The following CSMD1 variants were observed in gnomAD, a reference collection of about 807,000 sequenced individuals.
CSMD1 encodes the protein CUB and Sushi multiple domains 1, also known as CUB and sushi domain-containing protein 1.
CSMD1 carries 213 observed loss-of-function variants against 417.5 expected under a neutral mutation model. The ratio of observed to expected loss-of-function variants is 0.51; its 90% CI spans 0.46 to 0.57. CSMD1 has a LOEUF of 0.57. Ranked by LOEUF, CSMD1 falls within the 20% of genes least tolerant of loss-of-function variation. CSMD1 has a pLI of 0.00. For synonymous variants in CSMD1, 2,862 were observed against 1,736.8 expected, an observed-to-expected ratio of 1.65 and a Z score of -16.11; for missense variants, 6,923 against 4,529.7, an observed-to-expected ratio of 1.53 and a Z score of -15.17.
At position 4,695,526 on chromosome 8, in the gene CSMD1, T is replaced by C. The variant is rs142540136; in HGVS notation, c.86-57968A>G. Among the ~76,000 whole-genome samples the C allele has an allele frequency of 2.8e-3, 422 of 152,336 alleles. 3 individuals carry two copies. The highest frequency in any genetic ancestry group is 9.8e-3 in the African/African-American group (409 of 41,582). ...AAATAAGTTAAACGATTTCATTTTT[T>C]ACAGCAGTTTTAAGTTCACAGAAAA... On this transcript the variant is annotated intron_variant, in intron 1 of 69. Coordinates refer to ENST00000635120, the MANE Select transcript of CSMD1 (RefSeq NM_033225.6).
intron 10 of CSMD1, among the ~76,000 whole-genome samples, chr8:3,500,059 G>A (rs1796533126): frequency 6.6e-6 from 1 of 152,068 alleles, no homozygotes; most frequent in Non-Finnish European, 1.5e-5. Flanking sequence ...ACCTGCTGGG[G>A]ATCTCCCACT....
At chr8:4,503,520 G>C (rs1585174674) in intron 2 of CSMD1, among the ~76,000 whole-genome samples, 1 of 152,084 alleles carries the variant, frequency 6.6e-6, no homozygotes, top group South Asian at 2.1e-4. Flanking sequence ...ACTCACACCT[G>C]AGACACCGTT....
At position 3,018,428 on chromosome 8, in the gene CSMD1, T is replaced by C. The variant is rs143729213; in HGVS notation, c.8029+49A>G. On this transcript the variant is annotated intron_variant, in intron 52 of 69. Transcript: ENST00000635120. Reference sequence around the variant, plus strand: ...ATGTGTTACACAGCTGTAATCTATTTCTAAGGTTTATCTGCATTAAGTAAG... The same window carrying C: ...ATGTGTTACACAGCTGTAATCTATTCCTAAGGTTTATCTGCATTAAGTAAG... The C allele has an allele frequency of 1.2e-5, 19 of 1,560,386 alleles. No individual in the cohort carries two copies. The African/African-American group carries it at 1.2e-4, about 10-fold the overall frequency.
At chr8:3,125,751 C>T (rs1274825858) in intron 41 of CSMD1, among the ~76,000 whole-genome samples, 3 of 152,250 alleles carry the variant, frequency 2.0e-5, no homozygotes, top group East Asian at 3.9e-4. Context: ...CCGAGGTGGG[C>T]AGATTACCTG....
intron 23 of CSMD1, among the ~76,000 whole-genome samples, chr8:3,320,715 TG>T (rs1287628004): frequency 6.6e-6 from 1 of 152,094 alleles, no homozygotes; most frequent in Non-Finnish European, 1.5e-5. Context: ...TTCTGCTGAG[TG>T]GGTGACTGCC....
chr8:3,661,185 G>T (rs1798399590), intron 7 of CSMD1, among the ~76,000 whole-genome samples: 1 of 152,166 alleles, frequency 6.6e-6, no homozygotes, highest in South Asian at 2.1e-4. Flanking sequence ...GCAACTAACT[G>T]AACAGGCAGA....
chr8:4,910,913 T>C (rs7008247), intron 1 of CSMD1, among the ~76,000 whole-genome samples: 61,189 of 151,990 alleles, frequency 0.4, 12,694 homozygotes, highest in Non-Finnish European at 0.46. Context: ...TGGGAGGTAA[T>C]TGAATCATGG....
intron 26 of CSMD1, among the ~76,000 whole-genome samples, chr8:3,276,817 A>T (rs974215551): frequency 1.3e-5 from 2 of 152,148 alleles, no homozygotes; most frequent in African/African-American, 4.8e-5. Flanking sequence ...GAAAATTTTC[A>T]CGCATATCTA....
intron 3 of CSMD1, among the ~76,000 whole-genome samples, chr8:4,145,992 G>A (rs770293028): frequency 6.6e-6 from 1 of 150,800 alleles, no homozygotes; most frequent in Non-Finnish European, 1.5e-5. Flanking sequence ...TGCAAATTTT[G>A]TACCCTGCAC....
At chr8:4,386,512 T>A (rs934685117) in intron 3 of CSMD1, among the ~76,000 whole-genome samples, 4 of 152,224 alleles carry the variant, frequency 2.6e-5, no homozygotes, top group Non-Finnish European at 5.9e-5. Flanking sequence ...CTCAATCCCA[T>A]TGCTTGTCTA....
chr8:4,541,304 AC>A lies in CSMD1; in HGVS notation c.302+96037del, dbSNP rs368331591. Among the ~76,000 whole-genome samples, 646 of 151,956 alleles carry A rather than the reference AC, an allele frequency of 4.3e-3. 6 individuals carry two copies. Among genetic ancestry groups the A allele is most frequent in the African/African-American group, 0.015 (619 of 41,430 alleles). On this transcript the variant is annotated intron_variant, in intron 2 of 69. Coordinates refer to ENST00000635120, the MANE Select transcript of CSMD1 (RefSeq NM_033225.6). ...CTACTGGCACGTGCTGATCATAACT[AC>A]CCCCATGCAGTTCTTACAGCAATTA...
At chr8:4,895,719 A>T (rs2117020309) in intron 1 of CSMD1, among the ~76,000 whole-genome samples, 1 of 152,062 alleles carries the variant, frequency 6.6e-6, no homozygotes, top group East Asian at 1.9e-4. Flanking sequence ...TCAGTCTTCA[A>T]ACCTACAAAG....
intron 5 of CSMD1, among the ~76,000 whole-genome samples, chr8:3,997,645 G>C (rs1863476): frequency 0.46 from 70,671 of 152,002 alleles, 16,877 homozygotes; most frequent in South Asian, 0.57. Context: ...CTTTAAAACA[G>C]TCCAAAAATG....
chr8:3,786,746 G>C (rs770239529), intron 5 of CSMD1, among the ~76,000 whole-genome samples: 5 of 152,140 alleles, frequency 3.3e-5, no homozygotes, highest in Non-Finnish European at 7.4e-5. Context: ...GCTCTGATGA[G>C]AACTTTCTTT....
intron 2 of CSMD1, among the ~76,000 whole-genome samples, chr8:4,555,830 CAG>C (rs139813676): frequency 1.3e-3 from 193 of 152,012 alleles, no homozygotes; most frequent in African/African-American, 4.4e-3. Context: ...TACTTTAAGC[CAG>C]AGTTATAAAA....
At chr8:2,965,007 T>G (rs970275476) in intron 59 of CSMD1, among the ~76,000 whole-genome samples, 1 of 152,200 alleles carries the variant, frequency 6.6e-6, no homozygotes, top group Non-Finnish European at 1.5e-5. Context: ...TTATGTTTGG[T>G]CACTGACAGC....
At chr8:3,941,614 T>C (rs1810888696) in intron 5 of CSMD1, among the ~76,000 whole-genome samples, 1 of 152,164 alleles carries the variant, frequency 6.6e-6, no homozygotes, top group South Asian at 2.1e-4. Context: ...TGGTAATTCA[T>C]GAAGATAAGA....
At chr8:3,741,731 G>C (rs1307897670) in intron 6 of CSMD1, among the ~76,000 whole-genome samples, 1 of 152,140 alleles carries the variant, frequency 6.6e-6, no homozygotes, top group African/African-American at 2.4e-5. Context: ...TTCTTACTGA[G>C]AAAGAAGAAA....
intron 5 of CSMD1, among the ~76,000 whole-genome samples, chr8:3,816,833 CTA>C (rs1801394174): frequency 3.9e-5 from 6 of 151,966 alleles, no homozygotes; most frequent in Non-Finnish European, 8.8e-5. Context: ...TTTCAGGTGT[CTA>C]CTAGGGGTTT....
Sources: allele counts gnomAD v4.1 joint callset (sites outside exome capture counted in the v4.1 genomes callset), GRCh38; gene constraint gnomAD v4.1.1; transcripts MANE v1.5; gene names NCBI Gene and HGNC (gene_info 2026-07-23, HGNC 2026-07-21).